The following HTR1F variants were observed in gnomAD, a reference collection of about 807,000 sequenced individuals.
HTR1F encodes the protein 5-hydroxytryptamine (serotonin) receptor 1F, G protein-coupled.
In HTR1F, 17 loss-of-function variants were observed where a neutral mutation model predicts 24.0. The observed-to-expected ratio is 0.71, with a 90% CI of 0.48 to 1.06. HTR1F has a LOEUF of 1.06. HTR1F is among the 50% of genes least tolerant of loss of function. HTR1F has a pLI of 0.00. For synonymous variants in HTR1F, 186 were observed against 156.8 expected, an observed-to-expected ratio of 1.19 and a Z score of -1.39; for missense variants, 391 against 427.8, an observed-to-expected ratio of 0.91 and a Z score of 0.76.
intron 1 of HTR1F, among the ~76,000 whole-genome samples, chr3:87,794,892 A>C (rs536650069): frequency 4.6e-5 from 7 of 152,176 alleles, no homozygotes; most frequent in African/African-American, 1.7e-4. Flanking sequence ...TGTTAATTAA[A>C]ATTATACACA....
chr3:87,934,563 G>T (rs1216407672), intron 2 of HTR1F, among the ~76,000 whole-genome samples: 1 of 152,140 alleles, frequency 6.6e-6, no homozygotes, highest in Non-Finnish European at 1.5e-5. Context: ...GCTATTTAGG[G>T]TCATGCAGAA....
chr3:87,906,398 CAAAG>C (rs1391451323), intron 2 of HTR1F, among the ~76,000 whole-genome samples: 1 of 151,854 alleles, frequency 6.6e-6, no homozygotes, highest in Non-Finnish European at 1.5e-5. Flanking sequence ...TCCTATAGAA[CAAAG>C]AAAGAGAATA....
At chr3:87,891,092 C>T (rs1291233610) in intron 2 of HTR1F, among the ~76,000 whole-genome samples, 1 of 152,062 alleles carries the variant, frequency 6.6e-6, no homozygotes, top group African/African-American at 2.4e-5. Context: ...CCCCCTGCCT[C>T]GGCCTCCCAA....
At chr3:87,842,472 T>G (rs1325765831) in intron 2 of HTR1F, among the ~76,000 whole-genome samples, 4 of 151,852 alleles carry the variant, frequency 2.6e-5, no homozygotes, top group African/African-American at 9.7e-5. Context: ...AAAACAATAG[T>G]TTTTATAAAG....
chr3:87,863,079 G>A (rs1705351827), intron 2 of HTR1F, among the ~76,000 whole-genome samples: 1 of 152,194 alleles, frequency 6.6e-6, no homozygotes, highest in Admixed American at 6.5e-5. Flanking sequence ...GCCTCCCAAA[G>A]TGTTGGGATT....
At chr3:87,793,546 G>A (rs1259293963) in intron 1 of HTR1F, 1 of 152,104 alleles carries the variant, frequency 6.6e-6, no homozygotes, top group Non-Finnish European at 1.5e-5. Flanking sequence ...AAAGAGAAAG[G>A]GGGATCCGAG....
At chr3:87,905,443 T>C (rs893502118) in intron 2 of HTR1F, among the ~76,000 whole-genome samples, 1 of 152,094 alleles carries the variant, frequency 6.6e-6, no homozygotes, top group African/African-American at 2.4e-5. Context: ...TGCTGCCCCT[T>C]AATTTTTAAA....
At chr3:87,837,930 T>C (rs928020150) in intron 2 of HTR1F, among the ~76,000 whole-genome samples, 4 of 152,070 alleles carry the variant, frequency 2.6e-5, no homozygotes, top group African/African-American at 9.6e-5. Context: ...TATTTTCTTA[T>C]ATTTTTAGAA....
intron 2 of HTR1F, among the ~76,000 whole-genome samples, chr3:87,974,507 G>C (rs1216904107): frequency 6.6e-6 from 1 of 151,928 alleles, no homozygotes; most frequent in Non-Finnish European, 1.5e-5. Context: ...AACAAATATG[G>C]CTGCTTGTAT....
intron 2 of HTR1F, among the ~76,000 whole-genome samples, chr3:87,836,008 C>T (rs1393208900): frequency 6.6e-6 from 1 of 152,164 alleles, no homozygotes; most frequent in Admixed American, 6.5e-5. Context: ...AACACTAAAA[C>T]TACACTAAAC....
At chr3:87,936,359 T>C (rs1430727343) in intron 2 of HTR1F, among the ~76,000 whole-genome samples, 1 of 152,220 alleles carries the variant, frequency 6.6e-6, no homozygotes, top group Non-Finnish European at 1.5e-5. Flanking sequence ...TAGAATACAA[T>C]TGTGTTCAAC....
At chr3:87,822,905 A>G (rs1465721495) in intron 2 of HTR1F, among the ~76,000 whole-genome samples, 3 of 152,218 alleles carry the variant, frequency 2.0e-5, no homozygotes, top group African/African-American at 4.8e-5. Flanking sequence ...ATTCATATCA[A>G]TTAGCCTCTC....
intron 2 of HTR1F, among the ~76,000 whole-genome samples, chr3:87,851,864 G>GT (rs1705094012): frequency 1.3e-5 from 2 of 150,202 alleles, no homozygotes; most frequent in Non-Finnish European, 3.0e-5. Flanking sequence ...GTTACATTAG[G>GT]ATTAGAAGTA....
chr3:87,904,368 T>C (rs1267934741), intron 2 of HTR1F, among the ~76,000 whole-genome samples: 2 of 152,154 alleles, frequency 1.3e-5, no homozygotes, highest in African/African-American at 4.8e-5. Flanking sequence ...TTCATTGCTT[T>C]CTATTTACTT....
chr3:87,990,904 G>A lies in HTR1F; in HGVS notation c.155G>A (p.Arg52Gln), dbSNP rs147790807. 45 of 1,613,974 alleles carry A rather than the reference G, an allele frequency of 2.8e-5. No individual in the cohort carries two copies. The highest frequency in any genetic ancestry group is 3.3e-5 in the Admixed American group (2 of 59,982). The change falls in exon 3 of 3, where the codon CGG becomes CAG. Residue 52 changes from arginine (R) to glutamine (Q), a missense_variant. Physicochemically the swap from Arg to Gln is conservative, Grantham distance 43. Transcript: ENST00000319595. ...GTGATCGCTGCAATTATTGTGACCC[G>A]GAAGCTGCACCATCCAGCCAATTAT... is the stretch of plus-strand genomic sequence containing the variant. Reference protein sequence around the residue: ...SLVIAAIIVTRKLHHPANYLI... With the variant: ...SLVIAAIIVTQKLHHPANYLI...
intron 2 of HTR1F, among the ~76,000 whole-genome samples, chr3:87,919,600 C>T (rs567898834): frequency 6.6e-6 from 1 of 151,998 alleles, no homozygotes; most frequent in East Asian, 1.9e-4. Context: ...TACAAATGAC[C>T]AACAAACATA....
intron 2 of HTR1F, among the ~76,000 whole-genome samples, chr3:87,966,804 A>T (rs1705172101): frequency 6.6e-6 from 1 of 152,178 alleles, no homozygotes; most frequent in South Asian, 2.1e-4. Context: ...GAATTCCATC[A>T]CACATTTTAC....
chr3:87,847,696 C>G (rs943614210), intron 2 of HTR1F, among the ~76,000 whole-genome samples: 5 of 151,730 alleles, frequency 3.3e-5, no homozygotes, highest in Non-Finnish European at 5.9e-5. Flanking sequence ...TCCTCTTGCC[C>G]TCGCCCACCC....
intron 2 of HTR1F, among the ~76,000 whole-genome samples, chr3:87,891,711 CG>C (rs1706090765): frequency 6.6e-6 from 1 of 152,168 alleles, no homozygotes. Flanking sequence ...ATTGATACTT[CG>C]TTGTTTCTCT....
Sources: allele counts gnomAD v4.1 joint callset (sites outside exome capture counted in the v4.1 genomes callset), GRCh38; gene constraint gnomAD v4.1.1; transcripts MANE v1.5; gene names NCBI Gene and HGNC (gene_info 2026-07-23, HGNC 2026-07-21).